The following GALNT1 variants were observed in gnomAD, a reference collection of about 807,000 sequenced individuals.
GALNT1 encodes GalNAc transferase 1.
Under a neutral mutation model 65.7 loss-of-function variants are expected in GALNT1, and 17 were observed. That is an observed-to-expected ratio of 0.26 (90% CI 0.18 to 0.39). The LOEUF (loss-of-function observed/expected upper bound fraction) is 0.39. Among genes scored for constraint, GALNT1 ranks in the 10% least tolerant of loss-of-function variants. The pLI is 1.00. For synonymous variants in GALNT1, 210 were observed against 219.7 expected, an observed-to-expected ratio of 0.96 and a Z score of 0.39; for missense variants, 460 against 672.8, an observed-to-expected ratio of 0.68 and a Z score of 3.50.
At chr18:35,642,450 G>T (rs12965398) in intron 1 of GALNT1, among the ~76,000 whole-genome samples, 9,483 of 152,278 alleles carry the variant, frequency 0.062, 430 homozygotes, top group Admixed American at 0.14. Flanking sequence ...TCAGGACAAG[G>T]AAGGACCGTA....
chr18:35,689,170 C>G lies in GALNT1; in HGVS notation c.861-3C>G. On this transcript the variant is annotated splice_region_variant and splice_polypyrimidine_tract_variant and intron_variant, in intron 6 of 11. Transcript: ENST00000269195. The stretch of plus-strand genomic sequence containing the variant: ...CTAATGGTATAGCATTATTGAATTT[C>G]AGGACACCTACCATGGCAGGAGGCC... 6.3e-7 allele frequency: 1 copy of G among 1,576,762 alleles called. No homozygotes were observed. Among genetic ancestry groups the G allele is most frequent in the East Asian group, 2.2e-5 (1 of 44,610 alleles).
chr18:35,636,618 G>A (rs1308840501), intron 1 of GALNT1, among the ~76,000 whole-genome samples: 1 of 151,994 alleles, frequency 6.6e-6, no homozygotes, highest in Non-Finnish European at 1.5e-5. Flanking sequence ...ATTAGATGTG[G>A]GTCGTTACAT....
chr18:35,622,821 G>A (rs2046870868), intron 1 of GALNT1, among the ~76,000 whole-genome samples: 2 of 151,984 alleles, frequency 1.3e-5, no homozygotes. Context: ...AACTTTAACA[G>A]TAAGTGAGTT....
At chr18:35,625,801 C>T (rs897825850) in intron 1 of GALNT1, among the ~76,000 whole-genome samples, 1 of 152,086 alleles carries the variant, frequency 6.6e-6, no homozygotes, top group African/African-American at 2.4e-5. Flanking sequence ...CAGAAAGATG[C>T]ATATTTTGCT....
chr18:35,622,094 A>G (rs2046859337), intron 1 of GALNT1, among the ~76,000 whole-genome samples: 1 of 152,164 alleles, frequency 6.6e-6, no homozygotes. Flanking sequence ...CTATTTAAAA[A>G]CTATATTGAG....
intron 1 of GALNT1, among the ~76,000 whole-genome samples, chr18:35,638,133 A>G (rs965503583): frequency 2.0e-5 from 3 of 152,220 alleles, no homozygotes; most frequent in South Asian, 2.1e-4. Context: ...TGCAAATGCA[A>G]CATTTATTCT....
intron 1 of GALNT1, among the ~76,000 whole-genome samples, chr18:35,610,771 A>G (rs985159442): frequency 1.3e-5 from 2 of 152,244 alleles, no homozygotes; most frequent in African/African-American, 4.8e-5. Flanking sequence ...TAATATAAAC[A>G]TTTTTATGAA....
At chr18:35,593,999 C>T (rs145701922) in intron 1 of GALNT1, among the ~76,000 whole-genome samples, 48 of 150,164 alleles carry the variant, frequency 3.2e-4, no homozygotes, top group African/African-American at 1.1e-3. Flanking sequence ...AGTGAGTCAC[C>T]GTGCCCAGCC....
At chr18:35,698,288 C>G (rs577004956) in intron 9 of GALNT1, among the ~76,000 whole-genome samples, 6 of 151,394 alleles carry the variant, frequency 4.0e-5, no homozygotes, top group Non-Finnish European at 8.8e-5. Context: ...GCCAACATGC[C>G]GAAACCCCAT....
intron 6 of GALNT1, among the ~76,000 whole-genome samples, 186 bp from the exon 7 acceptor site, chr18:35,688,987 A>G (rs1158525111): frequency 6.6e-6 from 1 of 152,218 alleles, no homozygotes; most frequent in African/African-American, 2.4e-5. Context: ...GGTGCAGGTC[A>G]TGTGTGAAGA....
intron 6 of GALNT1, 31 bp downstream of exon 6, chr18:35,687,217 G>T: frequency 1.2e-6 from 2 of 1,600,796 alleles, no homozygotes; most frequent in Non-Finnish European, 1.7e-6. Context: ...TTTGCCTAAA[G>T]TGTTATTGGC....
At position 35,709,843 on chromosome 18, in the gene GALNT1, T is replaced by A; in HGVS notation, c.*73T>A. The A allele has an allele frequency of 6.5e-7, 1 of 1,548,780 alleles. No homozygotes were observed. The highest frequency in any genetic ancestry group is 8.8e-7 in the Non-Finnish European group (1 of 1,138,812). On this transcript the variant is annotated 3_prime_UTR_variant, in exon 12 of 12. Coordinates refer to ENST00000269195, the MANE Select transcript of GALNT1 (RefSeq NM_020474.4). The stretch of plus-strand genomic sequence containing the variant: ...CTCAGCATACATTTCTGCCACATTC[T>A]TAAGTAGCAAAAAAGGAAAAGTGCT...
At position 35,598,477 on chromosome 18, in the gene GALNT1, C is replaced by T. The variant is rs567403948; in HGVS notation, c.-104+16615C>T. Among the ~76,000 whole-genome samples the T allele has an allele frequency of 6.6e-5, 10 of 152,200 alleles. No homozygotes were observed. The South Asian group carries it at 1.0e-3, about 16-fold the overall frequency. ...TAGTTCTCACATACGAGTGAGAACA[C>T]GAGGTATTTGTCTTTTTGTGCCTGG... On this transcript the variant is annotated intron_variant, in intron 1 of 11. Transcript: ENST00000269195.
intron 9 of GALNT1, among the ~76,000 whole-genome samples, chr18:35,694,643 G>A (rs1171154318): frequency 6.6e-6 from 1 of 152,196 alleles, no homozygotes; most frequent in East Asian, 1.9e-4. Flanking sequence ...GTTTATAACA[G>A]CACTATTCAC....
chr18:35,632,309 G>A lies in GALNT1; in HGVS notation c.-103-22251G>A, dbSNP rs545242990. ...ACCTGACTTCAAACTATACTACAAG[G>A]CTACAGTAACCAAAACAGCATGGTA... is the stretch of plus-strand genomic sequence containing the variant. On this transcript the variant is annotated intron_variant, in intron 1 of 11. Transcript: ENST00000269195. Among the ~76,000 whole-genome samples, 598 of 152,188 alleles carry A rather than the reference G, an allele frequency of 3.9e-3. 6 individuals carry two copies. The highest frequency in any genetic ancestry group is 0.017 in the Middle Eastern group (5 of 294).
intron 1 of GALNT1, among the ~76,000 whole-genome samples, chr18:35,616,185 T>C (rs1263396797): frequency 6.6e-6 from 1 of 152,210 alleles, no homozygotes; most frequent in Non-Finnish European, 1.5e-5. Flanking sequence ...TTATGTAAAT[T>C]GCAGAGGTAG....
chr18:35,634,541 A>G (rs150039451), intron 1 of GALNT1, among the ~76,000 whole-genome samples: 14 of 152,264 alleles, frequency 9.2e-5, no homozygotes, highest in African/African-American at 1.2e-4. Context: ...TCCTCTCCCT[A>G]TGGAGTCACA....
In GALNT1 at chr18:35,703,127, G is replaced by T. The variant is rs2048193559; in HGVS notation, c.1398+132G>T. ...GAGAAAATAATAAAGACTTTTAGGT[G>T]AAGGAAGCTTTCAATCCAGTGATTT... On this transcript the variant is annotated intron_variant, in intron 10 of 11. Transcript: ENST00000269195. 6 of 554,514 alleles carry T rather than the reference G, an allele frequency of 1.1e-5. No individual in the cohort carries two copies. In the South Asian group the frequency reaches 1.6e-4, roughly 15 times the overall value. 34.3% of individuals were successfully genotyped at this position (554,514 alleles called of 1,614,324 possible). A position where few individuals can be genotyped will look rare whatever the true frequency, so the allele number is the denominator to read the frequency against.
At chr18:35,630,955 A>G (rs1487860664) in intron 1 of GALNT1, among the ~76,000 whole-genome samples, 3 of 152,256 alleles carry the variant, frequency 2.0e-5, no homozygotes, top group Non-Finnish European at 4.4e-5. Flanking sequence ...AAAATCTAGA[A>G]GAAATGGATA....
Sources: allele counts gnomAD v4.1 joint callset (sites outside exome capture counted in the v4.1 genomes callset), GRCh38; gene constraint gnomAD v4.1.1; transcripts MANE v1.5; gene names NCBI Gene and HGNC (gene_info 2026-07-23, HGNC 2026-07-21).